Variants in SLC9A9 observed in about 807,000 individuals in gnomAD.
SLC9A9 encodes the protein sodium/hydrogen exchanger 9.
SLC9A9 carries 62 observed loss-of-function variants against 77.8 expected under a neutral mutation model. The observed-to-expected ratio is 0.80, with a 90% CI of 0.65 to 0.98. The LOEUF is 0.98. Among genes scored for constraint, SLC9A9 ranks in the 50% least tolerant of loss-of-function variants. The probability of loss-of-function intolerance (pLI) is 0.00; values close to 1 mark genes in which losing one functional copy is unlikely to be tolerated. For synonymous variants in SLC9A9, 320 were observed against 283.5 expected (o/e 1.13, Z -1.29); for missense variants, 775 against 774.9 (o/e 1.00, Z 0.00).
rs561174191 is a variant in SLC9A9 at position 143,311,270 on chromosome 3, T to C, written c.1605-42290A>G. Among the ~76,000 whole-genome samples the C allele has an allele frequency of 3.9e-5, 6 of 152,336 alleles. No homozygotes were observed. The South Asian group carries it at 1.2e-3, about 32-fold the overall frequency. On this transcript the variant is annotated intron_variant, in intron 14 of 15. Coordinates refer to ENST00000316549, the MANE Select transcript of SLC9A9 (RefSeq NM_173653.4). ...ACTTTAGCAATAAAGGAAGGATTTG[T>C]ATAGGATTTCACAGTTGGCCAGACT...
At chr3:143,629,779 A>G (rs999309652) in intron 6 of SLC9A9, among the ~76,000 whole-genome samples, 1 of 152,110 alleles carries the variant, frequency 6.6e-6, no homozygotes, top group Admixed American at 6.6e-5. Context: ...GACAAAAAGA[A>G]TAGCATGTTC....
chr3:143,309,870 GA>G (rs1052762236), intron 14 of SLC9A9, among the ~76,000 whole-genome samples: 7 of 150,888 alleles, frequency 4.6e-5, no homozygotes, highest in Non-Finnish European at 8.9e-5. Context: ...GAGTGAGAGG[GA>G]AAAAAAAAGT....
At chr3:143,449,936 A>C (rs2034961531) in intron 12 of SLC9A9, among the ~76,000 whole-genome samples, 1 of 94,386 alleles carries the variant, frequency 1.1e-5, no homozygotes, top group South Asian at 3.3e-4. Context: ...TATTACATGT[A>C]TATATATTAT....
In SLC9A9 at chr3:143,385,732, C is replaced by T. The variant is rs2033408606; in HGVS notation, c.1470-3618G>A. On this transcript the variant is annotated intron_variant, in intron 12 of 15. Coordinates refer to ENST00000316549, the MANE Select transcript of SLC9A9 (RefSeq NM_173653.4). ...TGTGGTGTTACATGTATATAGCAGC[C>T]CCCCAGGTGAGATCACAGTATGAAG... Among the ~76,000 whole-genome samples the T allele has an allele frequency of 2.0e-5, 3 of 152,062 alleles. No individual in the cohort carries two copies. The South Asian group carries it at 6.2e-4, about 32-fold the overall frequency.
intron 5 of SLC9A9, among the ~76,000 whole-genome samples, chr3:143,685,774 T>C (rs1045333972): frequency 6.6e-6 from 1 of 152,198 alleles, no homozygotes; most frequent in East Asian, 1.9e-4. Context: ...AGCTACTATT[T>C]TGAACATCTT....
chr3:143,725,300 A>G (rs866402336), intron 4 of SLC9A9, among the ~76,000 whole-genome samples: 1 of 152,108 alleles, frequency 6.6e-6, no homozygotes, highest in Non-Finnish European at 1.5e-5. Context: ...ACTGTTAACT[A>G]GTTCAACCAT....
chr3:143,571,680 T>G (rs572921763), intron 8 of SLC9A9, among the ~76,000 whole-genome samples: 361 of 152,314 alleles, frequency 2.4e-3, no homozygotes, highest in African/African-American at 8.5e-3. Context: ...TGTTCCCCTT[T>G]TGGCTTTGAC....
chr3:143,300,077 AT>A (rs765902387), intron 14 of SLC9A9, among the ~76,000 whole-genome samples: 3 of 152,186 alleles, frequency 2.0e-5, no homozygotes, highest in Non-Finnish European at 4.4e-5. Context: ...CTTGTAGCCC[AT>A]TTGGAATGTT....
chr3:143,463,873 A>G, intron 12 of SLC9A9, among the ~76,000 whole-genome samples: 1 of 152,236 alleles, frequency 6.6e-6, no homozygotes, highest in East Asian at 1.9e-4. Context: ...CTCTAAACAT[A>G]GGATCATTAC....
intron 9 of SLC9A9, among the ~76,000 whole-genome samples, chr3:143,543,816 T>C (rs1208857216): frequency 6.6e-6 from 1 of 151,336 alleles, no homozygotes; most frequent in Non-Finnish European, 1.5e-5. Flanking sequence ...ATTGATTCCA[T>C]GTCTTTCTTA....
At chr3:143,434,612 G>A (rs368133838) in intron 12 of SLC9A9, among the ~76,000 whole-genome samples, 19 of 152,018 alleles carry the variant, frequency 1.2e-4, no homozygotes, top group African/African-American at 2.9e-4. Context: ...TCCAGAATAC[G>A]CCTATGCTGC....
At chr3:143,598,348 T>C (rs1379466090) in intron 6 of SLC9A9, among the ~76,000 whole-genome samples, 2 of 152,226 alleles carry the variant, frequency 1.3e-5, no homozygotes, top group African/African-American at 2.4e-5. Flanking sequence ...CCTGTCTTTT[T>C]CCAGAATTAA....
intron 14 of SLC9A9, among the ~76,000 whole-genome samples, chr3:143,312,370 CT>C (rs1472508028): frequency 1.3e-5 from 2 of 152,242 alleles, no homozygotes; most frequent in Admixed American, 6.5e-5. Flanking sequence ...AGCATGAGCA[CT>C]TATATGGAAA....
chr3:143,558,239 T>C (rs1465425379), intron 8 of SLC9A9, among the ~76,000 whole-genome samples: 2 of 152,222 alleles, frequency 1.3e-5, no homozygotes, highest in African/African-American at 2.4e-5. Context: ...GCTACAGCAG[T>C]GGAGCCCTCA....
chr3:143,423,385 A>G (rs1173195319), intron 12 of SLC9A9, among the ~76,000 whole-genome samples: 1 of 152,136 alleles, frequency 6.6e-6, no homozygotes, highest in Non-Finnish European at 1.5e-5. Flanking sequence ...TTCTTCATGT[A>G]AAGGAACCAG....
At chr3:143,374,207 C>T (rs1256566570) in intron 13 of SLC9A9, among the ~76,000 whole-genome samples, 1 of 152,042 alleles carries the variant, frequency 6.6e-6, no homozygotes, top group East Asian at 1.9e-4. Flanking sequence ...GGGCGGATCA[C>T]GAGGTCAGGA....
chr3:143,298,320 A>G (rs2030367524), intron 14 of SLC9A9, among the ~76,000 whole-genome samples: 1 of 152,202 alleles, frequency 6.6e-6, no homozygotes, highest in Non-Finnish European at 1.5e-5. Context: ...TAGAACCTCA[A>G]CCAGGTGTCC....
intron 4 of SLC9A9, among the ~76,000 whole-genome samples, chr3:143,721,201 A>C (rs1934489583): frequency 1.3e-5 from 2 of 152,084 alleles, no homozygotes; most frequent in South Asian, 2.1e-4. Context: ...CCACACCCCC[A>C]AAAAAGTCCA....
chr3:143,346,129 A>G (rs1281656397), intron 14 of SLC9A9, among the ~76,000 whole-genome samples: 1 of 152,178 alleles, frequency 6.6e-6, no homozygotes. Context: ...CCAGCCTTAT[A>G]TATATATTCT....
Sources: gnomAD v4.1 joint callset for allele counts (sites outside exome capture counted in the v4.1 genomes callset) on GRCh38, gnomAD v4.1.1 for gene constraint, MANE v1.5 for transcripts, NCBI Gene and HGNC (gene_info 2026-07-23, HGNC 2026-07-21) for gene names.